The following RFPL1 variants were observed in gnomAD, a reference collection of about 807,000 sequenced individuals.
RFPL1 encodes ret finger protein like 1.
Under a neutral mutation model 9.6 loss-of-function variants are expected in RFPL1, and 6 were observed. That is an observed-to-expected ratio of 0.62 (90% confidence interval 0.34 to 1.23). The LOEUF is 1.23. Ranked by LOEUF, RFPL1 falls within the 50% of genes most tolerant of loss-of-function variation. The probability of loss-of-function intolerance (pLI) is 0.03; values close to 1 mark genes in which losing one functional copy is unlikely to be tolerated. For synonymous variants in RFPL1, 145 were observed against 149.4 expected (o/e 0.97, Z 0.22); for missense variants, 352 against 398.4 (o/e 0.88, Z 0.99).
chr22:29,405,891 C>T, the RFPL1 span, among the ~76,000 whole-genome samples: 2 of 151,268 alleles, frequency 1.3e-5, no homozygotes, highest in African/African-American at 2.4e-5. Context: ...GGGTGGATCA[C>T]GAGGTCAGGA....
At chr22:29,430,389 T>C in the RFPL1 span, among the ~76,000 whole-genome samples, 1 of 152,296 alleles carries the variant, frequency 6.6e-6, no homozygotes, top group East Asian at 1.9e-4. Context: ...AACAAATGTA[T>C]CCATACATTT....
At chr22:29,404,346 T>G in the RFPL1 span, among the ~76,000 whole-genome samples, 1 of 152,302 alleles carries the variant, frequency 6.6e-6, no homozygotes, top group Non-Finnish European at 1.5e-5. Context: ...TGTTAACTGT[T>G]TACTTTTCAC....
chr22:29,395,073 C>A, the RFPL1 span, among the ~76,000 whole-genome samples: 1 of 152,112 alleles, frequency 6.6e-6, no homozygotes, highest in Admixed American at 6.6e-5. Flanking sequence ...AAGTCCTTCC[C>A]ATCCTCCCTC....
the RFPL1 span, among the ~76,000 whole-genome samples, chr22:29,401,713 A>C: frequency 1.3e-5 from 2 of 152,198 alleles, no homozygotes; most frequent in Admixed American, 6.5e-5. Context: ...GCTTTCATAA[A>C]GCCCTCTCCA....
the RFPL1 span, among the ~76,000 whole-genome samples, chr22:29,410,455 T>TATATATATCTATATATAG: frequency 1.8e-4 from 16 of 90,264 alleles, no homozygotes; most frequent in African/African-American, 9.2e-4. Flanking sequence ...TATATATAGA[T>TATATATATCTATATATAG]ATATATATCT....
At chr22:29,411,778 G>T in the RFPL1 span, among the ~76,000 whole-genome samples, 1 of 152,210 alleles carries the variant, frequency 6.6e-6, no homozygotes, top group African/African-American at 2.4e-5. Context: ...TAGAAATCAG[G>T]AACTGAAAAT....
the RFPL1 span, among the ~76,000 whole-genome samples, chr22:29,418,119 T>G: frequency 2.0e-5 from 3 of 151,900 alleles, no homozygotes; most frequent in Admixed American, 1.3e-4. Context: ...TTAGTAGAGA[T>G]GGGGTTTCAC....
At chr22:29,389,051 T>C in the RFPL1 span, among the ~76,000 whole-genome samples, 15 of 152,094 alleles carry the variant, frequency 9.9e-5, no homozygotes, top group African/African-American at 3.6e-4. Context: ...TAATTACTTA[T>C]TATTTACTTA....
the RFPL1 span, chr22:29,423,283 T>C: frequency 1.4e-3 from 1,388 of 1,002,336 alleles, no homozygotes; most frequent in African/African-American, 0.02. Context: ...CCAGAACACA[T>C]GTGGTACAGG....
At chr22:29,420,492 G>A in the RFPL1 span, among the ~76,000 whole-genome samples, 1 of 151,710 alleles carries the variant, frequency 6.6e-6, no homozygotes, top group Non-Finnish European at 1.5e-5. Context: ...CGTCATGCCT[G>A]GCTAATTTTT....
At chr22:29,428,598 C>A in the RFPL1 span, among the ~76,000 whole-genome samples, 1 of 152,100 alleles carries the variant, frequency 6.6e-6, no homozygotes, top group African/African-American at 2.4e-5. Context: ...TGTTAGGTCA[C>A]AAAGCAAGTC....
At chr22:29,421,466 C>A in the RFPL1 span, among the ~76,000 whole-genome samples, 3 of 150,600 alleles carry the variant, frequency 2.0e-5, no homozygotes, top group African/African-American at 4.8e-5. Context: ...CCCTGGGACT[C>A]CAATACACTC....
exon 2 of RFPL1, chr22:29,441,583 C>T (rs1254580353): frequency 1.3e-6 from 2 of 1,589,962 alleles, no homozygotes; most frequent in Admixed American, 3.4e-5. Flanking sequence ...CAACTTCCTC[C>T]TCATTTCTGA....
upstream of RFPL1, chr22:29,436,547 CCA>C (rs1391918394): frequency 6.6e-6 from 1 of 150,832 alleles, no homozygotes; most frequent in East Asian, 1.9e-4. Context: ...TTGCAGTGAT[CCA>C]AGTTTGTGCC....
the RFPL1 span, among the ~76,000 whole-genome samples, chr22:29,403,671 G>A: frequency 6.6e-6 from 1 of 152,226 alleles, no homozygotes; most frequent in Non-Finnish European, 1.5e-5. Flanking sequence ...CACAGAAAAA[G>A]AAATGCAGAC....
chr22:29,434,020 C>T (rs76992460), upstream of RFPL1, among the ~76,000 whole-genome samples: 1,229 of 152,036 alleles, frequency 8.1e-3, 20 homozygotes, highest in African/African-American at 0.028. Flanking sequence ...CACACACACA[C>T]ATACACACAA....
At chr22:29,423,447 C>T in the RFPL1 span, among the ~76,000 whole-genome samples, 1 of 151,778 alleles carries the variant, frequency 6.6e-6, no homozygotes. Flanking sequence ...AACTCCTGGG[C>T]TCAGCCAATC....
chr22:29,394,438 G>A, the RFPL1 span, among the ~76,000 whole-genome samples: 5 of 152,194 alleles, frequency 3.3e-5, no homozygotes, highest in African/African-American at 9.7e-5. Context: ...CACCTCCTGG[G>A]GTCAAGCCAT....
the RFPL1 span, among the ~76,000 whole-genome samples, chr22:29,408,461 C>T: frequency 6.6e-6 from 1 of 152,228 alleles, no homozygotes; most frequent in Non-Finnish European, 1.5e-5. Flanking sequence ...TGGGATTCCT[C>T]AGCAGCACCA....
Sources: allele counts gnomAD v4.1 joint callset (sites outside exome capture counted in the v4.1 genomes callset), GRCh38; gene constraint gnomAD v4.1.1; transcripts MANE v1.5; gene names NCBI Gene and HGNC (gene_info 2026-07-23, HGNC 2026-07-21).